DOCK1: variants seen among roughly 807,000 people sequenced by gnomAD.
The protein encoded by DOCK1 is dedicator of cytokinesis 1.
Under a neutral mutation model 262.7 loss-of-function variants are expected in DOCK1, and 138 were observed. The observed-to-expected ratio is 0.53, with a 90% CI of 0.46 to 0.61. DOCK1 has a LOEUF of 0.61. Ranked by LOEUF, DOCK1 falls within the 20% of genes least tolerant of loss-of-function variation. The pLI is 0.00. For missense variants in DOCK1, 1,908 were observed against 2,370.7 expected (o/e 0.80, Z 4.05); for synonymous variants, 866 against 867.4 (o/e 1.00, Z 0.03).
intron 23 of DOCK1, among the ~76,000 whole-genome samples, chr10:127,063,488 A>G (rs2045670287): frequency 6.6e-6 from 1 of 151,954 alleles, no homozygotes; most frequent in South Asian, 2.1e-4. Context: ...TTTTTACATG[A>G]TTTACTATAA....
chr10:127,411,952 T>A (rs2067877957), intron 43 of DOCK1, among the ~76,000 whole-genome samples: 1 of 152,106 alleles, frequency 6.6e-6, no homozygotes, highest in African/African-American at 2.4e-5. Flanking sequence ...TTTTCTTTAT[T>A]TTTTTATTTT....
chr10:127,381,546 T>C (rs576431621), intron 37 of DOCK1, among the ~76,000 whole-genome samples, 178 bp downstream of exon 37: 38 of 152,366 alleles, frequency 2.5e-4, no homozygotes, highest in African/African-American at 8.9e-4. Flanking sequence ...ATTAGAGATT[T>C]GTCCCTGCTG....
chr10:127,190,397 C>A (rs1043471598), intron 27 of DOCK1, among the ~76,000 whole-genome samples: 7 of 152,140 alleles, frequency 4.6e-5, no homozygotes, highest in African/African-American at 1.7e-4. Context: ...ACAATTCTTT[C>A]CCAATCAGGA....
chr10:127,079,792 G>C (rs191747892), intron 23 of DOCK1, among the ~76,000 whole-genome samples: 1 of 152,142 alleles, frequency 6.6e-6, no homozygotes, highest in East Asian at 1.9e-4. Context: ...TTAGCTGGGC[G>C]TGTAGGTGCA....
chr10:127,347,494 G>C (rs868778154), intron 31 of DOCK1, among the ~76,000 whole-genome samples: 1 of 152,192 alleles, frequency 6.6e-6, no homozygotes, highest in Admixed American at 6.5e-5. Flanking sequence ...ACGGGACATC[G>C]AGTGCCAAAG....
intron 27 of DOCK1, among the ~76,000 whole-genome samples, chr10:127,218,178 T>C (rs2058292470): frequency 6.6e-6 from 1 of 152,258 alleles, no homozygotes; most frequent in Admixed American, 6.5e-5. Flanking sequence ...AATACAGATA[T>C]TTATAGAAAT....
intron 27 of DOCK1, among the ~76,000 whole-genome samples, chr10:127,226,774 A>C (rs146595259): frequency 2.1e-4 from 29 of 141,066 alleles, no homozygotes; most frequent in East Asian, 5.8e-4. Context: ...AACAAACAAA[A>C]AAAAGAGTGG....
At chr10:127,268,197 G>GT (rs2060435398) in intron 29 of DOCK1, among the ~76,000 whole-genome samples, 1 of 152,082 alleles carries the variant, frequency 6.6e-6, no homozygotes, top group South Asian at 2.1e-4. Flanking sequence ...AGAGTCCAGA[G>GT]TCTCAGTGAT....
intron 27 of DOCK1, among the ~76,000 whole-genome samples, chr10:127,150,477 A>G (rs907415443): frequency 6.6e-6 from 1 of 152,298 alleles, no homozygotes; most frequent in Admixed American, 6.5e-5. Context: ...CTGATGTGCT[A>G]GATTAACCAT....
At chr10:127,098,135 C>G (rs1052061971) in intron 23 of DOCK1, among the ~76,000 whole-genome samples, 1 of 152,224 alleles carries the variant, frequency 6.6e-6, no homozygotes, top group Non-Finnish European at 1.5e-5. Context: ...ATCCTGGCCT[C>G]TCACCCACAA....
intron 28 of DOCK1, among the ~76,000 whole-genome samples, chr10:127,256,412 T>G (rs1438861105): frequency 6.6e-6 from 1 of 152,136 alleles, no homozygotes; most frequent in African/African-American, 2.4e-5. Flanking sequence ...AAATATCCAC[T>G]CATTTGGCAA....
intron 27 of DOCK1, among the ~76,000 whole-genome samples, chr10:127,203,888 A>G (rs61874041): frequency 6.6e-6 from 1 of 151,364 alleles, no homozygotes; most frequent in African/African-American, 2.5e-5. Context: ...GACATTTCTT[A>G]CACAATTTTG....
chr10:127,193,366 G>C (rs1303802283), intron 27 of DOCK1, among the ~76,000 whole-genome samples: 2 of 152,176 alleles, frequency 1.3e-5, no homozygotes, highest in Non-Finnish European at 1.5e-5. Flanking sequence ...TGCTATGGAC[G>C]CGTTGAACAG....
chr10:127,065,410 G>A (rs960837334), intron 23 of DOCK1, among the ~76,000 whole-genome samples: 2 of 152,178 alleles, frequency 1.3e-5, no homozygotes, highest in African/African-American at 4.8e-5. Context: ...ATGTTGCTGT[G>A]TGTCTCGTGC....
chr10:126,932,213 C>G (rs1019703553), intron 1 of DOCK1, among the ~76,000 whole-genome samples: 2 of 152,182 alleles, frequency 1.3e-5, no homozygotes. Flanking sequence ...GGACTTGGAT[C>G]AGCTGATGAC....
intron 1 of DOCK1, among the ~76,000 whole-genome samples, chr10:126,934,416 C>T (rs1280561459): frequency 6.6e-6 from 1 of 152,216 alleles, no homozygotes; most frequent in African/African-American, 2.4e-5. Context: ...CTGTTGCAGG[C>T]TCCCACCTTC....
chr10:127,314,561 C>T (rs890677072), intron 29 of DOCK1, among the ~76,000 whole-genome samples: 53 of 152,254 alleles, frequency 3.5e-4, no homozygotes, highest in African/African-American at 1.2e-3. Flanking sequence ...TATGCATGTA[C>T]ATAGAGGCAA....
At chr10:127,179,380 GATGGTA>G (rs1477013522) in intron 27 of DOCK1, among the ~76,000 whole-genome samples, 2 of 152,214 alleles carry the variant, frequency 1.3e-5, no homozygotes, top group Non-Finnish European at 2.9e-5. Context: ...GTAAAAAAAT[GATGGTA>G]ATACTTAGGA....
intron 1 of DOCK1, among the ~76,000 whole-genome samples, chr10:126,953,716 T>G (rs1356630619): frequency 6.6e-6 from 1 of 152,058 alleles, no homozygotes; most frequent in Non-Finnish European, 1.5e-5. Context: ...GGAGCTGTGT[T>G]GGTGGGGGAA....
Sources: allele counts gnomAD v4.1 joint callset (sites outside exome capture counted in the v4.1 genomes callset), GRCh38; gene constraint gnomAD v4.1.1; transcripts MANE v1.5; gene names NCBI Gene and HGNC (gene_info 2026-07-23, HGNC 2026-07-21).